RASGRP2: variants seen among roughly 807,000 people sequenced by gnomAD.
The protein encoded by RASGRP2 is RAS guanyl releasing protein 2, also known as RAS guanyl-releasing protein 2.
In RASGRP2, 44 loss-of-function variants were observed where a neutral mutation model predicts 71.0. The ratio of observed to expected loss-of-function variants is 0.62; its 90% confidence interval spans 0.49 to 0.80. RASGRP2 has a LOEUF of 0.80. RASGRP2 is among the 30% of genes least tolerant of loss of function. RASGRP2 has a pLI of 0.00. For missense variants in RASGRP2, 663 were observed against 813.4 expected, an observed-to-expected ratio of 0.82 and a Z score of 2.25; for synonymous variants, 350 against 330.7, an observed-to-expected ratio of 1.06 and a Z score of -0.63.
Position 64,730,185 on chromosome 11 carries a change from G to A in RASGRP2, c.1422C>T (p.Cys474=). The part of the protein sequence containing the change: ...FGDLDQNQDG[C]ISREEMVSYF... Reference sequence around the variant, plus strand: ...AGGAAACCATCTCCTCCCTGCTGATGCAGCCATCCCTGTGGGGAGTTGCGG... The same window carrying A: ...AGGAAACCATCTCCTCCCTGCTGATACAGCCATCCCTGTGGGGAGTTGCGG... The change falls in exon 13 of 17, where the codon TGC becomes TGT. Residue 474 remains cysteine, a synonymous_variant. Coordinates refer to ENST00000394432, the MANE Select transcript of RASGRP2 (RefSeq NM_001098671.2). 1 of 1,551,662 alleles carries A rather than the reference G, an allele frequency of 6.4e-7. No homozygotes were observed. Among genetic ancestry groups the A allele is most frequent in the South Asian group, 1.2e-5 (1 of 84,070 alleles).
Position 64,735,290 on chromosome 11 carries a change from T to C in RASGRP2, c.1297-63A>G. The C allele has an allele frequency of 7.1e-7, 1 of 1,398,774 alleles. No homozygotes were observed. The allele number at this position is 1,398,774 out of a possible 1,614,324, so 86.6% of individuals were successfully genotyped here. ...GGAGAGTAAAGGGGACATCAGGTCC[T>C]GTCCCTTCCCACGTTCCCAGTCCAT... On this transcript the variant is annotated intron_variant, in intron 11 of 16. Transcript: ENST00000394432. The surrounding 1 kb of genome is among the most constrained non-coding windows in gnomAD (Gnocchi z 4.2).
At chr11:64,736,436 A>C (rs1490475407) in intron 9 of RASGRP2, among the ~76,000 whole-genome samples, 1 of 152,120 alleles carries the variant, frequency 6.6e-6, no homozygotes. Flanking sequence ...GGCCATGCTT[A>C]GAAACCACCC....
Position 64,727,021 on chromosome 11 carries a change from A to C in RASGRP2, c.*117T>G. 3 of 421,186 alleles carry C rather than the reference A, an allele frequency of 7.1e-6. No individual in the cohort carries two copies. Among genetic ancestry groups the C allele is most frequent in the East Asian group, 5.1e-5 (1 of 19,438 alleles). 26.1% of individuals were successfully genotyped at this position (421,186 alleles called of 1,614,324 possible). A position where few individuals can be genotyped will look rare whatever the true frequency, so the allele number is the denominator to read the frequency against. On this transcript the variant is annotated 3_prime_UTR_variant, in exon 17 of 17. Transcript: ENST00000394432. ...CTGGCCCTGCCCTCAGCTGCATGCCACCCTCATATCCCACCCCCATCCCCA... is the reference window on the plus strand; with the variant it reads ...CTGGCCCTGCCCTCAGCTGCATGCCCCCCTCATATCCCACCCCCATCCCCA...
At position 64,735,998 on chromosome 11, in the gene RASGRP2, G is replaced by C. The variant is rs749278994; in HGVS notation, c.1096-18C>G. ...AGAGACACCTGGGACACACAGATCT[G>C]ATCACCCCCACTGGCCCCTGCCCAC... On this transcript the variant is annotated intron_variant, in intron 9 of 16. Transcript: ENST00000394432. The surrounding 1 kb of genome is among the most constrained non-coding windows in gnomAD (Gnocchi z 4.2). 3.1e-6 allele frequency: 5 copies of C among 1,611,060 alleles called. No homozygotes were observed. Among genetic ancestry groups the C allele is most frequent in the Non-Finnish European group, 3.4e-6 (4 of 1,177,758 alleles).
intron 5 of RASGRP2, 188 bp from the exon 6 acceptor site, chr11:64,740,351 A>C: frequency 1.4e-6 from 1 of 733,768 alleles, no homozygotes; most frequent in Non-Finnish European, 2.5e-6. Context: ...CTCAACACAC[A>C]TTTATGAACA....
In RASGRP2 at chr11:64,742,921, G is replaced by A. The variant is rs2135801736; in HGVS notation, c.-55C>T. ...GGCTGCGCTCCGGGAGCCTCCCACC[G>A]GGCTCGGACCGAACCCCTGTCCCGG... On this transcript the variant is annotated 5_prime_UTR_variant, in exon 2 of 17. Transcript: ENST00000394432. The surrounding 1 kb of genome is among the most constrained non-coding windows in gnomAD (Gnocchi z 4.7). 1 of 1,541,758 alleles carries A rather than the reference G, an allele frequency of 6.5e-7. No homozygotes were observed. The highest frequency in any genetic ancestry group is 2.4e-5 in the East Asian group (1 of 41,484).
Position 64,740,094 on chromosome 11 carries a change from G to A in RASGRP2, c.441C>T (p.Ser147=), listed in dbSNP as rs2058072983. Residue 147 remains serine (S), a synonymous_variant, in exon 6 of 17, where the codon TCC becomes TCT. Coordinates refer to ENST00000394432, the MANE Select transcript of RASGRP2 (RefSeq NM_001098671.2). The part of the protein sequence containing the change: ...NPVGQKKRKM[S]LLFDHLEPME... Reference sequence around the variant, plus strand: ...TGGGCTCCAGGTGGTCAAACAACAGGGACATCTTGCGCTTTTTCTGTCCCA... The same window carrying A: ...TGGGCTCCAGGTGGTCAAACAACAGAGACATCTTGCGCTTTTTCTGTCCCA... The A allele has an allele frequency of 6.2e-7, 1 of 1,614,140 alleles. No homozygotes were observed. The highest frequency in any genetic ancestry group is 2.2e-5 in the East Asian group (1 of 44,864).
rs1226666001 is a variant in RASGRP2, at chr11:64,739,134, C to T, written c.813+226G>A. 6.7e-6 allele frequency among the ~76,000 whole-genome samples: 1 copy of T among 150,350 alleles called. No individual in the cohort carries two copies. Among genetic ancestry groups the T allele is most frequent in the East Asian group, 1.9e-4 (1 of 5,174 alleles). On this transcript the variant is annotated intron_variant, in intron 8 of 16. Coordinates refer to ENST00000394432, the MANE Select transcript of RASGRP2 (RefSeq NM_001098671.2). This position sits in a 1 kb window ranked among gnomAD's most constrained non-coding sequence, Gnocchi z 4.2. ...AGTCTGGACAACAGAGAGAGAGACC[C>T]TGTCTTAAAAAAAAAAAAAAAAGTA... is the stretch of plus-strand genomic sequence containing the variant.
chr11:64,740,857 CCTCA>C lies in RASGRP2; in HGVS notation c.371+87_371+90del, dbSNP rs779613854. 1.2e-5 allele frequency: 19 copies of C among 1,522,076 alleles called. No individual in the cohort carries two copies. In the South Asian group the frequency reaches 1.8e-4, roughly 14 times the overall value. The allele number at this position is 1,522,076 out of a possible 1,614,324, so 94.3% of individuals were successfully genotyped here. A position where few individuals can be genotyped will look rare whatever the true frequency, so the allele number is the denominator to read the frequency against. On this transcript the variant is annotated intron_variant, in intron 5 of 16. Coordinates refer to ENST00000394432, the MANE Select transcript of RASGRP2 (RefSeq NM_001098671.2). The stretch of plus-strand genomic sequence containing the variant: ...TTTTTAAGCGAGAGAGCAACATGAC[CCTCA>C]CTCATTCAGTTCAACAGACATTTAT...
intron 5 of RASGRP2, chr11:64,740,723 G>GC: frequency 1.5e-6 from 1 of 680,236 alleles, no homozygotes; most frequent in Non-Finnish European, 2.7e-6. Flanking sequence ...CCGACCCAGC[G>GC]CAGCTACAGG....
At chr11:64,736,014 C>G in intron 9 of RASGRP2, 34 bp from the exon 10 acceptor site, 1 of 1,595,404 alleles carries the variant, frequency 6.3e-7, no homozygotes, top group Admixed American at 1.7e-5. Context: ...CCCCACTGGC[C>G]CCTGCCCACA....
In RASGRP2 at chr11:64,735,505, T is replaced by C. The variant is rs2057903558; in HGVS notation, c.1296+37A>G. On this transcript the variant is annotated intron_variant, in intron 11 of 16. Transcript: ENST00000394432. The surrounding 1 kb of genome is among the most constrained non-coding windows in gnomAD (Gnocchi z 4.2). The stretch of plus-strand genomic sequence containing the variant: ...AGGGCAGTGCTCCGGCAAACTGGCC[T>C]CTCCCCACACACTGCTCAGGCTCCG... The C allele has an allele frequency of 6.2e-7, 1 of 1,613,254 alleles. No individual in the cohort carries two copies. The highest frequency in any genetic ancestry group is 8.5e-7 in the Non-Finnish European group (1 of 1,180,008).
In RASGRP2 at chr11:64,743,448, C is replaced by G. The variant is rs1299971678; in HGVS notation, c.-71-511G>C. 1.4e-5 allele frequency: 5 copies of G among 350,680 alleles called. No individual in the cohort carries two copies. The Admixed American group carries it at 2.0e-4, about 14-fold the overall frequency. The allele number at this position is 350,680 out of a possible 1,614,324, so 21.7% of individuals were successfully genotyped here. ...TGCCCGCCTCGCCCCCTCCCGGGAG[C>G]CCAGGAAGGCGAGGCGGGGCTGCGG... On this transcript the variant is annotated intron_variant, in intron 1 of 16. Coordinates refer to ENST00000394432, the MANE Select transcript of RASGRP2 (RefSeq NM_001098671.2). This position sits in a 1 kb window ranked among gnomAD's most constrained non-coding sequence, Gnocchi z 4.9.
At position 64,732,536 on chromosome 11, in the gene RASGRP2, G is replaced by A. The variant is rs544803282; in HGVS notation, c.1413-2342C>T. Among the ~76,000 whole-genome samples the A allele has an allele frequency of 1.8e-4, 28 of 152,336 alleles. 1 individual carries two copies. The South Asian group carries it at 5.6e-3, about 30-fold the overall frequency. ...AGGCTGGGTGAGGTGGCTCACGCCT[G>A]TAATCCCAGCACTTTGGGAGGCTGA... On this transcript the variant is annotated intron_variant, in intron 12 of 16. Transcript: ENST00000394432.
chr11:64,740,993 T>G lies in RASGRP2; in HGVS notation c.326A>C (p.Gln109Pro). Residue 109 changes from glutamine to proline, a missense_variant, in exon 5 of 17, where the codon CAA (glutamine) becomes CCA (proline). Physicochemically the swap from Gln to Pro is moderately conservative, Grantham distance 76 (BLOSUM62 -1). Transcript: ENST00000394432. ...QIKELKALLD[Q>P]EGNRRHSSLI... is the part of the protein sequence containing the mutation. ...GCTGCTGTGCCGTCGGTTCCCTTCTTGGTCTAGCAGAGCCTTCAGCTCCTT... is the reference window on the plus strand; with the variant it reads ...GCTGCTGTGCCGTCGGTTCCCTTCTGGGTCTAGCAGAGCCTTCAGCTCCTT... The G allele has an allele frequency of 6.2e-7, 1 of 1,613,802 alleles. No homozygotes were observed. The highest frequency in any genetic ancestry group is 8.5e-7 in the Non-Finnish European group (1 of 1,179,954).
intron 15 of RASGRP2, 101 bp from the exon 16 acceptor site, chr11:64,727,461 G>C: frequency 2.0e-6 from 2 of 1,010,000 alleles, no homozygotes; most frequent in Non-Finnish European, 1.5e-6. Context: ...CCCAGAAGCA[G>C]ACCCACCCAC....
At chr11:64,740,332 C>G (rs1210429636) in intron 5 of RASGRP2, 169 bp from the exon 6 acceptor site, 1 of 772,190 alleles carries the variant, frequency 1.3e-6, no homozygotes, top group African/African-American at 1.7e-5. Flanking sequence ...CCCCCGACCC[C>G]GTCATGCACT....
At position 64,742,878 on chromosome 11, in the gene RASGRP2, C is replaced by T; in HGVS notation, c.-12G>A. 6.3e-7 allele frequency: 1 copy of T among 1,581,920 alleles called. No individual in the cohort carries two copies. The highest frequency in any genetic ancestry group is 8.6e-7 in the Non-Finnish European group (1 of 1,167,696). ...AGGGTGCCTGCCATGGCCGCCGGCG[C>T]GGGGTGGGCTGGGCCCAGGCTGCGC... On this transcript the variant is annotated 5_prime_UTR_variant, in exon 2 of 17. Coordinates refer to ENST00000394432, the MANE Select transcript of RASGRP2 (RefSeq NM_001098671.2). The surrounding 1 kb of genome is among the most constrained non-coding windows in gnomAD (Gnocchi z 4.7).
chr11:64,731,825 C>G (rs1215912588), intron 12 of RASGRP2, among the ~76,000 whole-genome samples: 1 of 152,188 alleles, frequency 6.6e-6, no homozygotes, highest in Non-Finnish European at 1.5e-5. Context: ...GGCACTTGTA[C>G]GCTGCTGATG....
Sources: allele counts gnomAD v4.1 joint callset (sites outside exome capture counted in the v4.1 genomes callset), GRCh38; gene constraint gnomAD v4.1.1; non-coding constraint Gnocchi (gnomAD v3.1); transcripts MANE v1.5; gene names NCBI Gene and HGNC (gene_info 2026-07-23, HGNC 2026-07-21).